The following GPN3 variants were observed in gnomAD, a reference collection of about 807,000 sequenced individuals.
GPN3 encodes the protein ATP-binding domain 1 family member C.
A neutral mutation model predicts 38.7 loss-of-function variants in GPN3; 31 were observed. That is an observed-to-expected ratio of 0.80 (90% CI 0.60 to 1.08). The LOEUF (loss-of-function observed/expected upper bound fraction) is 1.08. GPN3 is among the 50% of genes least tolerant of loss of function. The probability of loss-of-function intolerance (pLI) is 0.00; values close to 1 mark genes in which losing one functional copy is unlikely to be tolerated. For synonymous variants in GPN3, 116 were observed against 120.2 expected, an observed-to-expected ratio of 0.96 and a Z score of 0.23; for missense variants, 301 against 354.4, an observed-to-expected ratio of 0.85 and a Z score of 1.21.
At position 110,459,859 on chromosome 12, in the gene GPN3, A is replaced by G. The variant is rs146439705; in HGVS notation, c.161T>C (p.Ile54Thr). 13 of 1,613,494 alleles carry G rather than the reference A, an allele frequency of 8.1e-6. No individual in the cohort carries two copies. The African/African-American group carries it at 1.5e-4, about 18-fold the overall frequency. The change falls in exon 3 of 8, where the codon ATC (isoleucine) becomes ACC (threonine). Residue 54 changes from isoleucine to threonine, a missense_variant. Coordinates refer to ENST00000228827, the MANE Select transcript of GPN3 (RefSeq NM_016301.4). ...EHFNYSVMAD[I>T]RELIEVDDVM... Reference sequence around the variant, plus strand: ...ATCATCCACCTCGATCAGTTCCCGGATGTCTGAAAAGGACAGATAGGGCCC... The same window carrying G: ...ATCATCCACCTCGATCAGTTCCCGGGTGTCTGAAAAGGACAGATAGGGCCC...
chr12:110,463,596 C>T (rs2062606358), intron 2 of GPN3, among the ~76,000 whole-genome samples: 1 of 103,258 alleles, frequency 9.7e-6, no homozygotes, highest in Non-Finnish European at 1.8e-5. Flanking sequence ...ATGGTGAAAC[C>T]CTGTCTCTAC....
intron 6 of GPN3, 133 bp from the exon 7 acceptor site, chr12:110,454,004 A>G: frequency 1.6e-6 from 1 of 619,014 alleles, no homozygotes; most frequent in African/African-American, 1.9e-5. Flanking sequence ...GAAGAGGAGG[A>G]GAAGGGATAG....
chr12:110,468,049 G>T, intron 1 of GPN3, 107 bp downstream of exon 1: 2 of 1,464,616 alleles, frequency 1.4e-6, no homozygotes, highest in African/African-American at 1.4e-5. Context: ...GTTGCGTGGG[G>T]TCTCAGGGTT....
intron 1 of GPN3, among the ~76,000 whole-genome samples, chr12:110,467,003 T>A (rs1328725385): frequency 2.0e-5 from 3 of 151,964 alleles, no homozygotes; most frequent in Non-Finnish European, 4.4e-5. Context: ...TTCTTCTTTT[T>A]TTTTTTTGCG....
rs761923901 is a variant in GPN3 at position 110,465,229 on chromosome 12, G to A, written c.49-15C>T. On this transcript the variant is annotated splice_polypyrimidine_tract_variant and intron_variant, in intron 1 of 7. Transcript: ENST00000228827. ...CAGTAGGTGCTCTGTAATGTCACAA[G>A]GCATGAGAGGTTAAAGCAACAGGTA... The A allele has an allele frequency of 7.0e-7, 1 of 1,426,816 alleles. No individual in the cohort carries two copies. The highest frequency in any genetic ancestry group is 1.7e-5 in the Admixed American group (1 of 59,792). The allele number at this position is 1,426,816 out of a possible 1,614,324, so 88.4% of individuals were successfully genotyped here. A position where few individuals can be genotyped will look rare whatever the true frequency, so the allele number is the denominator to read the frequency against.
At chr12:110,461,271 A>G in intron 2 of GPN3, 1 of 1,312,608 alleles carries the variant, frequency 7.6e-7, no homozygotes. Context: ...CGTAATGAGG[A>G]TGAAGATTCA....
intron 2 of GPN3, among the ~76,000 whole-genome samples, chr12:110,463,222 C>A (rs546807556): frequency 1.3e-5 from 2 of 152,166 alleles, no homozygotes; most frequent in South Asian, 2.1e-4. Flanking sequence ...GAGTTTGAGA[C>A]CAGCCTGGAA....
At chr12:110,459,187 T>TC (rs1296467538) in intron 3 of GPN3, among the ~76,000 whole-genome samples, 1 of 152,214 alleles carries the variant, frequency 6.6e-6, no homozygotes, top group Non-Finnish European at 1.5e-5. Context: ...CCATCTGTGC[T>TC]CTATGGTATT....
At chr12:110,460,592 T>C (rs543493104) in intron 2 of GPN3, among the ~76,000 whole-genome samples, 11 of 152,186 alleles carry the variant, frequency 7.2e-5, no homozygotes, top group African/African-American at 2.6e-4. Flanking sequence ...TCCCAGCACT[T>C]TGGATGAGGC....
chr12:110,457,185 A>T (rs564163620), intron 4 of GPN3, among the ~76,000 whole-genome samples: 3 of 151,788 alleles, frequency 2.0e-5, no homozygotes, highest in African/African-American at 7.3e-5. Flanking sequence ...CATAGTTTAA[A>T]AATCTTTAAG....
intron 1 of GPN3, among the ~76,000 whole-genome samples, chr12:110,465,890 G>A (rs761753114): frequency 7.9e-5 from 12 of 152,008 alleles, no homozygotes; most frequent in Non-Finnish European, 1.8e-4. Flanking sequence ...CAGCCTGGCC[G>A]ACATGGTGAA....
rs752985909 is a variant in GPN3, at chr12:110,468,161, C to T, written c.43G>A (p.Gly15Arg). ...AQLVMGPAGS[G>R]KSTYCATMVQ... ...TTGTCCCCGCAGATCCTCACCTTCCCGCTGCCCGCGGGGCCCATGACCAGC... is the reference window on the plus strand; with the variant it reads ...TTGTCCCCGCAGATCCTCACCTTCCTGCTGCCCGCGGGGCCCATGACCAGC... The change falls in exon 1 of 8, where the codon GGG (glycine) becomes AGG (arginine). Residue 15 changes from glycine to arginine, a missense_variant. Physicochemically the swap from Gly to Arg is moderately radical, Grantham distance 125 (BLOSUM62 -2). Transcript: ENST00000228827. The T allele has an allele frequency of 2.5e-6, 4 of 1,613,690 alleles. No individual in the cohort carries two copies. Among genetic ancestry groups the T allele is most frequent in the Non-Finnish European group, 3.4e-6 (4 of 1,180,044 alleles).
intron 2 of GPN3, among the ~76,000 whole-genome samples, chr12:110,460,371 T>G (rs886460321): frequency 6.6e-6 from 1 of 152,198 alleles, no homozygotes; most frequent in Non-Finnish European, 1.5e-5. Flanking sequence ...ACTTTTACAT[T>G]ATGAACCATG....
chr12:110,465,326 G>A (rs2062619983), intron 1 of GPN3, 112 bp from the exon 2 acceptor site: 1 of 713,448 alleles, frequency 1.4e-6, no homozygotes, highest in Non-Finnish European at 2.6e-6. Context: ...CAACCAAGAG[G>A]CTGACTGACA....
intron 1 of GPN3, among the ~76,000 whole-genome samples, chr12:110,466,234 A>AG (rs1318379332): frequency 6.6e-6 from 1 of 152,180 alleles, no homozygotes; most frequent in East Asian, 1.9e-4. Context: ...TTATGTTTAA[A>AG]GATAAGCTCC....
At chr12:110,468,304 T>C, upstream of GPN3, 1 of 1,589,454 alleles carries the variant, frequency 6.3e-7, no homozygotes, top group Non-Finnish European at 8.5e-7. Flanking sequence ...CCACATTCTT[T>C]CTACGCCTCC....
intron 6 of GPN3, among the ~76,000 whole-genome samples, chr12:110,454,348 T>C (rs1054564882): frequency 3.9e-5 from 6 of 151,994 alleles, no homozygotes; most frequent in African/African-American, 1.4e-4. Context: ...CTTGACCAGG[T>C]GTTTAGGAAA....
chr12:110,468,481 A>G, upstream of GPN3: 3 of 1,537,134 alleles, frequency 2.0e-6, no homozygotes, highest in Non-Finnish European at 1.7e-6. Flanking sequence ...CCTGAGTAAT[A>G]ACGGACAACA....
At chr12:110,455,326 C>T (rs2062542209) in intron 6 of GPN3, among the ~76,000 whole-genome samples, 4 of 152,042 alleles carry the variant, frequency 2.6e-5, no homozygotes, top group Admixed American at 2.6e-4. Context: ...AGGGTTTCAC[C>T]ATGTTGGCCA....
Sources: allele counts gnomAD v4.1 joint callset (sites outside exome capture counted in the v4.1 genomes callset), GRCh38; gene constraint gnomAD v4.1.1; transcripts MANE v1.5; gene names NCBI Gene and HGNC (gene_info 2026-07-23, HGNC 2026-07-21).